Variants in GALNT17 observed in about 807,000 individuals in gnomAD.
GALNT17 encodes the protein UDP-GalNAc:polypeptide N-acetylgalactosaminyltransferase-like 3.
GALNT17 carries 29 observed loss-of-function variants against 63.7 expected under a neutral mutation model. The observed-to-expected ratio is 0.46, with a 90% CI of 0.34 to 0.62. The LOEUF (loss-of-function observed/expected upper bound fraction) is 0.62, where lower values mean the gene tolerates loss of function less well. Among genes scored for constraint, GALNT17 ranks in the 20% least tolerant of loss-of-function variants. GALNT17 has a pLI of 0.01. For missense variants in GALNT17, 603 were observed against 799.6 expected, an observed-to-expected ratio of 0.75 and a Z score of 2.97; for synonymous variants, 305 against 318.3, an observed-to-expected ratio of 0.96 and a Z score of 0.45.
At position 71,614,782 on chromosome 7, in the gene GALNT17, G is replaced by A. The variant is rs1388076084; in HGVS notation, c.1080+43380G>A. On this transcript the variant is annotated intron_variant, in intron 6 of 10. Transcript: ENST00000333538. ...ACAGAAAGAGAAAGAAACAGAGAAA[G>A]AGAAACAGAGAAAGAGAAAAAAGTA... 6.7e-5 allele frequency among the ~76,000 whole-genome samples: 10 copies of A among 150,186 alleles called. No individual in the cohort carries two copies. In the Admixed American group the frequency reaches 6.7e-4, roughly 10 times the overall value.
intron 5 of GALNT17, among the ~76,000 whole-genome samples, chr7:71,512,014 C>CTTTTTTT (rs11409175): frequency 1.5e-5 from 2 of 131,494 alleles, no homozygotes; most frequent in Admixed American, 7.9e-5. Context: ...GGGTTCCAGC[C>CTTTTTTT]TTTTTTTTTT....
intron 5 of GALNT17, among the ~76,000 whole-genome samples, chr7:71,554,419 G>A (rs1485232906): frequency 6.6e-6 from 1 of 152,174 alleles, no homozygotes; most frequent in Non-Finnish European, 1.5e-5. Flanking sequence ...CATGTGGACT[G>A]TGAGTCCATT....
intron 1 of GALNT17, among the ~76,000 whole-genome samples, chr7:71,312,661 C>T (rs1369387150): frequency 1.3e-5 from 2 of 152,148 alleles, no homozygotes; most frequent in Admixed American, 1.3e-4. Context: ...GCTCTGTGTG[C>T]ATATCTCCCT....
At chr7:71,222,619 T>C (rs1789607788) in intron 1 of GALNT17, among the ~76,000 whole-genome samples, 2 of 152,292 alleles carry the variant, frequency 1.3e-5, no homozygotes, top group South Asian at 4.2e-4. Context: ...TGAAGAGGAC[T>C]AGTCAGGTGT....
At chr7:71,222,077 T>G (rs1396794955) in intron 1 of GALNT17, among the ~76,000 whole-genome samples, 1 of 151,946 alleles carries the variant, frequency 6.6e-6, no homozygotes, top group Non-Finnish European at 1.5e-5. Flanking sequence ...CCGGCTAATT[T>G]TGATTTTTTA....
chr7:71,650,320 C>A (rs570536939), intron 6 of GALNT17, among the ~76,000 whole-genome samples: 1 of 152,164 alleles, frequency 6.6e-6, no homozygotes, highest in East Asian at 1.9e-4. Context: ...CATGATCTCT[C>A]TTCACTGCAA....
intron 6 of GALNT17, among the ~76,000 whole-genome samples, chr7:71,628,179 A>G (rs1790403037): frequency 6.6e-6 from 1 of 152,186 alleles, no homozygotes; most frequent in Non-Finnish European, 1.5e-5. Context: ...CTATCACGCA[A>G]TGATACTTTT....
chr7:71,372,470 T>C (rs1019824278), intron 2 of GALNT17, among the ~76,000 whole-genome samples: 1 of 152,164 alleles, frequency 6.6e-6, no homozygotes, highest in Non-Finnish European at 1.5e-5. Flanking sequence ...CAGCATGTTT[T>C]ACTTCATTTT....
intron 1 of GALNT17, among the ~76,000 whole-genome samples, chr7:71,177,179 C>T (rs960118522): frequency 5.3e-5 from 8 of 152,120 alleles, no homozygotes; most frequent in African/African-American, 1.9e-4. Context: ...CATTTACAGA[C>T]ACTGATCTCT....
intron 1 of GALNT17, among the ~76,000 whole-genome samples, chr7:71,286,853 C>T (rs902536362): frequency 6.0e-5 from 9 of 149,936 alleles, no homozygotes; most frequent in Non-Finnish European, 1.0e-4. Flanking sequence ...AGTGGTGGTG[C>T]GATCATGGGT....
chr7:71,646,648 C>T (rs1211813939), intron 6 of GALNT17, among the ~76,000 whole-genome samples: 1 of 152,016 alleles, frequency 6.6e-6, no homozygotes, highest in African/African-American at 2.4e-5. Context: ...AAGTGAGAGG[C>T]TGAACCCTCC....
chr7:71,222,501 A>G (rs1789605469), intron 1 of GALNT17, among the ~76,000 whole-genome samples: 1 of 151,982 alleles, frequency 6.6e-6, no homozygotes, highest in Non-Finnish European at 1.5e-5. Flanking sequence ...CATGTTGTCC[A>G]GGCTGGTCTT....
At chr7:71,321,361 A>G (rs915888286) in intron 1 of GALNT17, among the ~76,000 whole-genome samples, 3 of 152,188 alleles carry the variant, frequency 2.0e-5, no homozygotes, top group Non-Finnish European at 4.4e-5. Flanking sequence ...ATCAGCAGCC[A>G]GAGACTGTCC....
intron 1 of GALNT17, among the ~76,000 whole-genome samples, chr7:71,278,874 G>A (rs756813374): frequency 1.5e-4 from 23 of 151,646 alleles, no homozygotes; most frequent in Non-Finnish European, 2.4e-4. Flanking sequence ...CAGCCAAACC[G>A]TATCAACCTT....
chr7:71,235,208 G>A (rs554221351), intron 1 of GALNT17, among the ~76,000 whole-genome samples: 21 of 151,112 alleles, frequency 1.4e-4, no homozygotes, highest in Admixed American at 1.1e-3. Flanking sequence ...CCAAGATTGC[G>A]CCATTGCACT....
chr7:71,385,673 T>A (rs943780209), intron 2 of GALNT17, among the ~76,000 whole-genome samples: 1 of 151,892 alleles, frequency 6.6e-6, no homozygotes, highest in Non-Finnish European at 1.5e-5. Flanking sequence ...GGCTCAGTGA[T>A]ACTATGTGGG....
intron 1 of GALNT17, among the ~76,000 whole-genome samples, chr7:71,150,117 A>C (rs532560411): frequency 1.3e-5 from 2 of 152,142 alleles, no homozygotes; most frequent in Non-Finnish European, 2.9e-5. Flanking sequence ...CACCCTTCTC[A>C]TTCCTGTTCA....
chr7:71,641,632 A>G (rs1178459590), intron 6 of GALNT17, among the ~76,000 whole-genome samples: 1 of 151,812 alleles, frequency 6.6e-6, no homozygotes, highest in African/African-American at 2.4e-5. Flanking sequence ...CACTCTGAGG[A>G]CCTAATCACC....
rs557293448 is a variant in GALNT17, at chr7:71,574,362, G to T, written c.1080+2960G>T. 9.2e-5 allele frequency among the ~76,000 whole-genome samples: 14 copies of T among 152,234 alleles called. No homozygotes were observed. In the South Asian group the frequency reaches 1.9e-3, roughly 20 times the overall value. On this transcript the variant is annotated intron_variant, in intron 6 of 10. Coordinates refer to ENST00000333538, the MANE Select transcript of GALNT17 (RefSeq NM_022479.3). ...TCCATGACAATTCAGCTCCCCCACT[G>T]CTCAGGGTAGGTCTTTATTAAAGTG... is the stretch of plus-strand genomic sequence containing the variant.
Sources: gnomAD v4.1 joint callset for allele counts (sites outside exome capture counted in the v4.1 genomes callset) on GRCh38, gnomAD v4.1.1 for gene constraint, MANE v1.5 for transcripts, NCBI Gene and HGNC (gene_info 2026-07-23, HGNC 2026-07-21) for gene names.